PACS2: variants seen among roughly 807,000 people sequenced by gnomAD.
PACS2 encodes the protein PACS1-like protein.
In PACS2, 36 loss-of-function variants were observed where a neutral mutation model predicts 113.0. That is an observed-to-expected ratio of 0.32 (90% confidence interval 0.24 to 0.42). The LOEUF (loss-of-function observed/expected upper bound fraction) is 0.42. PACS2 is among the 10% of genes least tolerant of loss of function. The pLI, the probability that PACS2 is intolerant of heterozygous loss-of-function variation, is 1.00. For synonymous variants in PACS2, 589 were observed against 536.1 expected, an observed-to-expected ratio of 1.10 and a Z score of -1.36; for missense variants, 1,015 against 1,239.5, an observed-to-expected ratio of 0.82 and a Z score of 2.72.
At chr14:105,304,094 G>A (rs1451310946) in intron 1 of PACS2, among the ~76,000 whole-genome samples, 3 of 152,224 alleles carry the variant, frequency 2.0e-5, no homozygotes, top group Non-Finnish European at 4.4e-5. Context: ...CCACAGCGGT[G>A]CAGGACAGTC....
At chr14:105,394,037 C>CAA (rs35175118) in intron 24 of PACS2, among the ~76,000 whole-genome samples, 7,006 of 71,918 alleles carry the variant, frequency 0.097, 850 homozygotes, top group African/African-American at 0.34. Context: ...GACTCCGCCT[C>CAA]AAAAAAAAAA....
chr14:105,314,049 G>A (rs2058435829), upstream of PACS2, among the ~76,000 whole-genome samples: 1 of 152,274 alleles, frequency 6.6e-6, no homozygotes, highest in Non-Finnish European at 1.5e-5. Flanking sequence ...CAAAGAGGGC[G>A]CCCGGGGTCA....
chr14:105,348,343 C>T lies in PACS2; in HGVS notation c.120-150C>T. ...GACAGCTGGGGTGATGTCTTGGAGC[C>T]CTGTGAGGTCCTGGGGCCGCCCAGG... On this transcript the variant is annotated intron_variant, in intron 1 of 24. Transcript: ENST00000447393. This position sits in a 1 kb window ranked among gnomAD's most constrained non-coding sequence, Gnocchi z 6.4. 1 of 595,512 alleles carries T rather than the reference C, an allele frequency of 1.7e-6. No homozygotes were observed. Among genetic ancestry groups the T allele is most frequent in the East Asian group, 2.8e-5 (1 of 35,256 alleles). The allele number at this position is 595,512 out of a possible 1,614,324, so 36.9% of individuals were successfully genotyped here.
intron 1 of PACS2, among the ~76,000 whole-genome samples, chr14:105,339,364 G>A (rs587737477): frequency 1.3e-5 from 2 of 152,048 alleles, no homozygotes; most frequent in Admixed American, 6.6e-5. Context: ...AAAATTAGCC[G>A]GGTGTGGTGG....
Position 105,354,697 on chromosome 14 carries a change from C to T in PACS2, c.298-355C>T, listed in dbSNP as rs970654670. On this transcript the variant is annotated intron_variant, in intron 3 of 24. Transcript: ENST00000447393. The surrounding 1 kb of genome is among the most constrained non-coding windows in gnomAD (Gnocchi z 4.2). ...TCCTGGGTCCCACCTTGCTGATTGCCTCAGGCACATGAGCCGCCACACTGT... is the reference window on the plus strand; with the variant it reads ...TCCTGGGTCCCACCTTGCTGATTGCTTCAGGCACATGAGCCGCCACACTGT... Among the ~76,000 whole-genome samples the T allele has an allele frequency of 6.6e-6, 1 of 152,216 alleles. No individual in the cohort carries two copies. Among genetic ancestry groups the T allele is most frequent in the African/African-American group, 2.4e-5 (1 of 41,456 alleles).
At chr14:105,367,117 A>G in intron 4 of PACS2, 96 bp from the exon 5 acceptor site, 1 of 1,142,062 alleles carries the variant, frequency 8.8e-7, no homozygotes, top group Non-Finnish European at 1.3e-6. Flanking sequence ...GCTGTCACTG[A>G]GAGAGAAAGC....
intron 12 of PACS2, 152 bp from the exon 13 acceptor site, chr14:105,381,762 C>T: frequency 1.4e-6 from 1 of 691,998 alleles, no homozygotes; most frequent in Non-Finnish European, 2.4e-6. Flanking sequence ...CCTCTCTGTG[C>T]AGCCCATGTT....
At chr14:105,383,841 C>G in intron 16 of PACS2, 3 of 352,574 alleles carry the variant, frequency 8.5e-6, no homozygotes, top group Non-Finnish European at 1.6e-5. Flanking sequence ...GCTGTGATAA[C>G]TCTATGCCAG....
chr14:105,390,570 C>T (rs2081322407), intron 20 of PACS2: 2 of 168,390 alleles, frequency 1.2e-5, no homozygotes, highest in Admixed American at 1.1e-4. Context: ...ACCCACAGGG[C>T]CTGGCAGACA....
intron 1 of PACS2, among the ~76,000 whole-genome samples, chr14:105,328,654 C>T (rs587601247): frequency 4.6e-5 from 7 of 152,302 alleles, no homozygotes; most frequent in African/African-American, 1.7e-4. Context: ...CGAGTCTTGG[C>T]GCGTGGGCTG....
Position 105,317,308 on chromosome 14 carries a change from G to A in PACS2, c.119+2271G>A, listed in dbSNP as rs587737777. ...TGGACATCGTGTGCCAGTCTTCTGC[G>A]TGTGTCTTTCTGGATGGGCAGGGCC... On this transcript the variant is annotated intron_variant, in intron 1 of 24. Coordinates refer to ENST00000447393, the MANE Select transcript of PACS2 (RefSeq NM_001100913.3). This position sits in a 1 kb window ranked among gnomAD's most constrained non-coding sequence, Gnocchi z 4.2. 2.2e-4 allele frequency among the ~76,000 whole-genome samples: 34 copies of A among 152,202 alleles called. No homozygotes were observed. The South Asian group carries it at 3.3e-3, about 15-fold the overall frequency.
At chr14:105,361,637 C>T (rs1384844572) in intron 4 of PACS2, among the ~76,000 whole-genome samples, 1 of 150,910 alleles carries the variant, frequency 6.6e-6, no homozygotes, top group Non-Finnish European at 1.5e-5. Flanking sequence ...GACTCCGTCT[C>T]AAAACAAACA....
chr14:105,304,746 A>C (rs2058132954), intron 1 of PACS2, among the ~76,000 whole-genome samples: 1 of 152,224 alleles, frequency 6.6e-6, no homozygotes, highest in South Asian at 2.1e-4. Flanking sequence ...ACAATCATGG[A>C]GGAAGGCAAG....
rs1373667715 is a variant in PACS2 at position 105,397,886 on chromosome 14, G to A, written c.*3214G>A. 2.6e-5 allele frequency: 4 copies of A among 152,242 alleles called. No homozygotes were observed. Among genetic ancestry groups the A allele is most frequent in the African/African-American group, 9.6e-5 (4 of 41,452 alleles). The allele number at this position is 152,242 out of a possible 1,614,324, so 9.4% of individuals were successfully genotyped here. On this transcript the variant is annotated 3_prime_UTR_variant, in exon 25 of 25. Coordinates refer to ENST00000447393, the MANE Select transcript of PACS2 (RefSeq NM_001100913.3). The stretch of plus-strand genomic sequence containing the variant: ...GCCGTCCGCGGGTGTGTGGCCTGTA[G>A]GGGACTGAGAGCTGGGCTTGCTGGG...
intron 1 of PACS2, among the ~76,000 whole-genome samples, chr14:105,327,181 C>T (rs1488147876): frequency 6.6e-6 from 1 of 152,238 alleles, no homozygotes; most frequent in Non-Finnish European, 1.5e-5. Context: ...ATCTCACCAG[C>T]TGGGAGGCCG....
chr14:105,393,186 A>G (rs1555415473), intron 23 of PACS2, 36 bp from the exon 24 acceptor site: 3 of 1,528,218 alleles, frequency 2.0e-6, no homozygotes, highest in Non-Finnish European at 2.7e-6. Flanking sequence ...CCGAAGGAGC[A>G]GCAAGATGAC....
intron 20 of PACS2, 88 bp downstream of exon 20, chr14:105,390,091 A>G (rs2081306196): frequency 8.6e-6 from 10 of 1,163,132 alleles, no homozygotes; most frequent in East Asian, 2.3e-5. Flanking sequence ...TTGACTCGAT[A>G]TATTCCAGAA....
In PACS2 at chr14:105,315,114, A is replaced by C; in HGVS notation, c.119+77A>C. On this transcript the variant is annotated intron_variant, in intron 1 of 24. Transcript: ENST00000447393. The surrounding 1 kb of genome is among the most constrained non-coding windows in gnomAD (Gnocchi z 4.4). ...CCTGGCCGCGGCCTCTGCGCGCCCC[A>C]TCCCCGGCCCGGGTCCCCCAGCGGA... 3 of 904,372 alleles carry C rather than the reference A, an allele frequency of 3.3e-6. No homozygotes were observed. Among genetic ancestry groups the C allele is most frequent in the Non-Finnish European group, 2.7e-6 (2 of 745,544 alleles). 56.0% of individuals were successfully genotyped at this position (904,372 alleles called of 1,614,324 possible). A position where few individuals can be genotyped will look rare whatever the true frequency, so the allele number is the denominator to read the frequency against.
In PACS2 at chr14:105,315,060, T is replaced by C; in HGVS notation, c.119+23T>C. 8.7e-7 allele frequency: 1 copy of C among 1,147,056 alleles called. No individual in the cohort carries two copies. The allele number at this position is 1,147,056 out of a possible 1,614,324, so 71.1% of individuals were successfully genotyped here. Reference sequence around the variant, plus strand: ...CAGGTACGCGCCGCCCGCCGCGCTTTGTTCCCGCCGGGCACCTGCTGGGGG... The same window carrying C: ...CAGGTACGCGCCGCCCGCCGCGCTTCGTTCCCGCCGGGCACCTGCTGGGGG... On this transcript the variant is annotated intron_variant, in intron 1 of 24. Transcript: ENST00000447393. This position sits in a 1 kb window ranked among gnomAD's most constrained non-coding sequence, Gnocchi z 4.4.
Sources: allele counts gnomAD v4.1 joint callset (sites outside exome capture counted in the v4.1 genomes callset), GRCh38; gene constraint gnomAD v4.1.1; non-coding constraint Gnocchi (gnomAD v3.1); transcripts MANE v1.5; gene names NCBI Gene and HGNC (gene_info 2026-07-23, HGNC 2026-07-21).